Variants in SPART observed in about 807,000 individuals in gnomAD.
SPART encodes the protein spastic paraplegia 20 (Troyer syndrome).
A neutral mutation model predicts 58.7 loss-of-function variants in SPART; 35 were observed. The ratio of observed to expected loss-of-function variants is 0.60; its 90% confidence interval spans 0.46 to 0.79. The LOEUF is 0.79. Ranked by LOEUF, SPART falls within the 30% of genes least tolerant of loss-of-function variation. SPART has a pLI of 0.00. For synonymous variants in SPART, 284 were observed against 280.7 expected (o/e 1.01, Z -0.12); for missense variants, 730 against 786.1 (o/e 0.93, Z 0.85).
At chr13:36,347,382 C>G (rs553285015), upstream of SPART, among the ~76,000 whole-genome samples, 6 of 152,236 alleles carry the variant, frequency 3.9e-5, no homozygotes, top group African/African-American at 1.4e-4. Flanking sequence ...CCACTCCCGT[C>G]TAATTTTTGT....
intron 5 of SPART, among the ~76,000 whole-genome samples, chr13:36,315,187 A>C (rs1047625374): frequency 6.6e-6 from 1 of 152,202 alleles, no homozygotes; most frequent in Non-Finnish European, 1.5e-5. Flanking sequence ...TCACCAGAGG[A>C]ACAGAGGGAT....
intron 1 of SPART, among the ~76,000 whole-genome samples, chr13:36,364,719 A>G (rs1174410820): frequency 2.0e-5 from 3 of 152,164 alleles, no homozygotes; most frequent in Non-Finnish European, 2.9e-5. Flanking sequence ...TTCATAATCT[A>G]TCTGTCTTTG....
chr13:36,317,502 G>A (rs111869316), intron 5 of SPART, among the ~76,000 whole-genome samples: 27 of 125,962 alleles, frequency 2.1e-4, no homozygotes, highest in East Asian at 1.5e-3. Flanking sequence ...CTTTATTTCC[G>A]TGCCCCGACC....
In SPART at chr13:36,321,874, C is replaced by T. The variant is rs376320956; in HGVS notation, c.1288+4701G>A. On this transcript the variant is annotated intron_variant, in intron 5 of 8. Transcript: ENST00000438666. ...TGCCCCACCTTAACTGATGACATTC[C>T]ACCACAAAAGAAGTGTAAATGGCCG... Among the ~76,000 whole-genome samples the T allele has an allele frequency of 7.9e-4, 120 of 152,156 alleles. 1 individual carries two copies. The East Asian group carries it at 0.021, about 26-fold the overall frequency.
intron 3 of SPART, among the ~76,000 whole-genome samples, chr13:36,329,742 C>T (rs1036826863): frequency 2.6e-5 from 4 of 152,140 alleles, no homozygotes; most frequent in African/African-American, 9.7e-5. Flanking sequence ...AAGTAAGTTT[C>T]AAAAGACAAC....
chr13:36,364,893 C>T (rs964063763), intron 1 of SPART, among the ~76,000 whole-genome samples: 5 of 152,148 alleles, frequency 3.3e-5, no homozygotes, highest in Admixed American at 6.5e-5. Context: ...CAATCAGCCC[C>T]CTTCATCCAT....
intron 5 of SPART, among the ~76,000 whole-genome samples, chr13:36,317,449 A>T (rs1881834856): frequency 6.8e-6 from 1 of 147,324 alleles, no homozygotes; most frequent in African/African-American, 2.5e-5. Context: ...TCTGTGCCCC[A>T]ATCCCTTATT....
At chr13:36,351,218 C>A (rs181132493), upstream of SPART, among the ~76,000 whole-genome samples, 214 of 151,890 alleles carry the variant, frequency 1.4e-3, 1 homozygote, top group African/African-American at 4.9e-3. Context: ...ACCTGTAATC[C>A]CAGTACTTTA....
chr13:36,358,955 G>T (rs1885729912), intron 1 of SPART, among the ~76,000 whole-genome samples: 1 of 152,092 alleles, frequency 6.6e-6, no homozygotes, highest in Admixed American at 6.5e-5. Context: ...GGGGCCAAGT[G>T]GAAGGTCTTC....
chr13:36,326,742 G>A, intron 4 of SPART, 44 bp from the exon 5 acceptor site: 1 of 1,605,286 alleles, frequency 6.2e-7, no homozygotes, highest in Non-Finnish European at 8.5e-7. Context: ...TTAGTACTAA[G>A]AGGGGGAAAA....
At chr13:36,365,472 A>T in intron 1 of SPART, 4 of 347,922 alleles carry the variant, frequency 1.1e-5, no homozygotes, top group Non-Finnish European at 1.7e-5. Context: ...AATGTTTTTC[A>T]TTTTGTTTGT....
intron 8 of SPART, among the ~76,000 whole-genome samples, chr13:36,309,850 A>G (rs2063509982): frequency 6.6e-6 from 1 of 152,212 alleles, no homozygotes; most frequent in African/African-American, 2.4e-5. Context: ...CTATGTAACA[A>G]GCCTGCACAT....
At chr13:36,312,623 AGAG>A (rs1349818616) in intron 6 of SPART, 146 bp from the exon 7 acceptor site, 1 of 927,388 alleles carries the variant, frequency 1.1e-6, no homozygotes, top group African/African-American at 1.7e-5. Flanking sequence ...TGAAGCTTAG[AGAG>A]GAGGTCTCAC....
chr13:36,333,134 T>C (rs1023192996), intron 2 of SPART, among the ~76,000 whole-genome samples: 2 of 152,068 alleles, frequency 1.3e-5, no homozygotes, highest in African/African-American at 4.8e-5. Flanking sequence ...TTATAGACCT[T>C]TCCTAGGACA....
intron 1 of SPART, chr13:36,369,965 C>T (rs1169923511): frequency 6.6e-6 from 1 of 152,138 alleles, no homozygotes; most frequent in Admixed American, 6.5e-5. Flanking sequence ...GACAGATAAC[C>T]AGCCCTTAAA....
At chr13:36,321,425 T>C (rs4638443) in intron 5 of SPART, among the ~76,000 whole-genome samples, 35,322 of 152,034 alleles carry the variant, frequency 0.23, 4,584 homozygotes, top group South Asian at 0.35. Flanking sequence ...TTCTTAGACC[T>C]TTTATACCTG....
intron 5 of SPART, among the ~76,000 whole-genome samples, chr13:36,319,937 AC>A (rs1273222082): frequency 1.3e-5 from 2 of 151,976 alleles, no homozygotes; most frequent in Non-Finnish European, 2.9e-5. Flanking sequence ...GATCTCTCAA[AC>A]CCAAGCACCT....
intron 1 of SPART, among the ~76,000 whole-genome samples, chr13:36,351,773 T>G (rs1664825088): frequency 6.6e-6 from 1 of 152,234 alleles, no homozygotes. Context: ...TCATAAATTA[T>G]GCTAGATTCA....
rs1257404058 is a variant in SPART at position 36,302,088 on chromosome 13, G to A, written c.*2277C>T. ...AACATACATGTGTGATTAAAAAATG[G>A]CAAGGAACAATAAAAAATGACATGG... is the stretch of plus-strand genomic sequence containing the variant. On this transcript the variant is annotated 3_prime_UTR_variant, in exon 9 of 9. Coordinates refer to ENST00000438666, the MANE Select transcript of SPART (RefSeq NM_015087.5). 6.6e-6 allele frequency: 1 copy of A among 152,046 alleles called. No individual in the cohort carries two copies. The highest frequency in any genetic ancestry group is 2.4e-5 in the African/African-American group (1 of 41,392). 9.4% of individuals were successfully genotyped at this position (152,046 alleles called of 1,614,324 possible).
Sources: allele counts gnomAD v4.1 joint callset (sites outside exome capture counted in the v4.1 genomes callset), GRCh38; gene constraint gnomAD v4.1.1; transcripts MANE v1.5; gene names NCBI Gene and HGNC (gene_info 2026-07-23, HGNC 2026-07-21).